FIP1L1: variants seen among roughly 807,000 people sequenced by gnomAD.
FIP1L1 encodes factor interacting with PAPOLA and CPSF1, also known as pre-mRNA 3'-end-processing factor FIP1.
FIP1L1 carries 21 observed loss-of-function variants against 84.6 expected under a neutral mutation model. The ratio of observed to expected loss-of-function variants is 0.25; its 90% CI spans 0.18 to 0.36. FIP1L1 has a LOEUF of 0.36. Among genes scored for constraint, FIP1L1 ranks in the 10% least tolerant of loss-of-function variants. The pLI, the probability that FIP1L1 is intolerant of heterozygous loss-of-function variation, is 1.00. For synonymous variants in FIP1L1, 263 were observed against 242.3 expected (o/e 1.09, Z -0.80); for missense variants, 526 against 751.1 (o/e 0.70, Z 3.50).
intron 13 of FIP1L1, among the ~76,000 whole-genome samples, chr4:53,431,587 A>G (rs965540574): frequency 1.4e-5 from 2 of 144,204 alleles, no homozygotes; most frequent in Non-Finnish European, 3.0e-5. Flanking sequence ...TTTTATTCTC[A>G]TATTTTAGGA....
chr4:53,408,321 C>G (rs982702118), intron 10 of FIP1L1, among the ~76,000 whole-genome samples: 1 of 152,178 alleles, frequency 6.6e-6, no homozygotes, highest in Non-Finnish European at 1.5e-5. Flanking sequence ...TGAATATTGG[C>G]CCCCACTCTC....
chr4:53,434,030 A>T (rs1394006696), intron 13 of FIP1L1, among the ~76,000 whole-genome samples: 1 of 152,062 alleles, frequency 6.6e-6, no homozygotes. Flanking sequence ...TTCTCATTAG[A>T]TTATTTTTCT....
chr4:53,457,426 A>G (rs779151572), intron 16 of FIP1L1, among the ~76,000 whole-genome samples: 14 of 152,168 alleles, frequency 9.2e-5, no homozygotes, highest in Non-Finnish European at 1.5e-4. Flanking sequence ...GCAAATGTGT[A>G]TATTAATACA....
At chr4:53,430,617 A>T (rs1486612106) in intron 13 of FIP1L1, among the ~76,000 whole-genome samples, 3 of 152,110 alleles carry the variant, frequency 2.0e-5, no homozygotes, top group Non-Finnish European at 4.4e-5. Flanking sequence ...CATTACAGGC[A>T]TGAACCACTA....
rs191358616 is a variant in FIP1L1 at position 53,411,762 on chromosome 4, G to A, written c.816-2853G>A. On this transcript the variant is annotated intron_variant, in intron 10 of 17. Transcript: ENST00000337488. Reference sequence around the variant, plus strand: ...CGTACTTTATCAATAGAAATGCTGGGTTTCCAACGTTCTGTAGTACCCATC... The same window carrying A: ...CGTACTTTATCAATAGAAATGCTGGATTTCCAACGTTCTGTAGTACCCATC... 5.3e-5 allele frequency among the ~76,000 whole-genome samples: 8 copies of A among 152,148 alleles called. No homozygotes were observed. The East Asian group carries it at 1.5e-3, about 29-fold the overall frequency.
chr4:53,443,611 T>G (rs1772937647), intron 14 of FIP1L1, among the ~76,000 whole-genome samples: 1 of 152,118 alleles, frequency 6.6e-6, no homozygotes, highest in Non-Finnish European at 1.5e-5. Flanking sequence ...AAGGATTTAG[T>G]TTTATTGAGT....
At chr4:53,417,792 CTCTCTCTCTCTCTCTCTCT>C (rs1560537421) in intron 11 of FIP1L1, among the ~76,000 whole-genome samples, 1 of 114,684 alleles carries the variant, frequency 8.7e-6, no homozygotes, top group Non-Finnish European at 2.0e-5. Flanking sequence ...CTCTCTCTCT[CTCTCTCTCTCTCTCTCTCT>C]CTCTCTCTCA....
chr4:53,446,147 G>A (rs1055907167), intron 15 of FIP1L1, among the ~76,000 whole-genome samples: 37 of 151,782 alleles, frequency 2.4e-4, no homozygotes, highest in African/African-American at 8.5e-4. Flanking sequence ...ACAAAAGATG[G>A]TATTTATGTT....
chr4:53,428,691 G>A (rs1424441677), intron 13 of FIP1L1, among the ~76,000 whole-genome samples: 1 of 152,126 alleles, frequency 6.6e-6, no homozygotes, highest in East Asian at 1.9e-4. Flanking sequence ...CATATTTTTA[G>A]CTACTTTTGA....
Position 53,459,426 on chromosome 4 carries a change from A to G in FIP1L1, c.1762A>G (p.Thr588Ala). Residue 588 changes from threonine (T) to alanine (A), a missense_variant, in exon 18 of 18, where the codon ACC (threonine) becomes GCC (alanine). By Grantham distance (58) the Thr-to-Ala change is moderately conservative. Around this residue, in one of 6 missense-constraint regions of FIP1L1, gnomAD observed 89 missense variants for 169.0 expected, o/e 0.53. Coordinates refer to ENST00000337488, the MANE Select transcript of FIP1L1 (RefSeq NM_030917.4). ...TGAGCCTGCCCCTGAACAGGAGAGC[A>G]CCGAAGCTACACCTGCAGAATAGGC... is the stretch of plus-strand genomic sequence containing the variant. ...GSEPAPEQES[T>A]EATPAE The G allele has an allele frequency of 3.1e-6, 5 of 1,613,320 alleles. No individual in the cohort carries two copies. The highest frequency in any genetic ancestry group is 4.2e-6 in the Non-Finnish European group (5 of 1,179,580).
At chr4:53,445,810 G>A (rs1178988150) in intron 15 of FIP1L1, among the ~76,000 whole-genome samples, 1 of 152,112 alleles carries the variant, frequency 6.6e-6, no homozygotes, top group Non-Finnish European at 1.5e-5. Flanking sequence ...AAATTAGGGA[G>A]GGCGGGAAGC....
chr4:53,383,997 G>C (rs1322583692), intron 5 of FIP1L1, 121 bp downstream of exon 5: 1 of 956,284 alleles, frequency 1.0e-6, no homozygotes, highest in Non-Finnish European at 1.5e-6. Context: ...TAACATAAAA[G>C]AACTTGTTAA....
intron 5 of FIP1L1, among the ~76,000 whole-genome samples, chr4:53,386,675 C>T (rs534036650): frequency 2.2e-4 from 34 of 152,168 alleles, no homozygotes; most frequent in Admixed American, 1.6e-3. Context: ...ATATTAGATG[C>T]GTGCCTTGGA....
rs558195073 is a variant in FIP1L1 at position 53,396,668 on chromosome 4, C to T, written c.706-3062C>T. Among the ~76,000 whole-genome samples the T allele has an allele frequency of 1.4e-4, 22 of 152,020 alleles. No homozygotes were observed. The South Asian group carries it at 4.1e-3, about 29-fold the overall frequency. ...ATCCACCCACCTCGGCCTCCCAAAG[C>T]GCTGGGATTACAGGCTTGAGCCACC... is the stretch of plus-strand genomic sequence containing the variant. On this transcript the variant is annotated intron_variant, in intron 9 of 17. Coordinates refer to ENST00000337488, the MANE Select transcript of FIP1L1 (RefSeq NM_030917.4).
At chr4:53,407,819 C>T (rs1220346770) in intron 10 of FIP1L1, among the ~76,000 whole-genome samples, 2 of 151,980 alleles carry the variant, frequency 1.3e-5, no homozygotes, top group South Asian at 2.1e-4. Flanking sequence ...ACTGCAACCC[C>T]TGCCTTTTTT....
At chr4:53,459,220 A>C in intron 17 of FIP1L1, 82 bp from the exon 18 acceptor site, 1 of 960,180 alleles carries the variant, frequency 1.0e-6, no homozygotes, top group Non-Finnish European at 1.5e-6. Flanking sequence ...TTATATTGAG[A>C]ATTTCCTTAG....
intron 7 of FIP1L1, 38 bp downstream of exon 7, chr4:53,390,666 C>CA: frequency 7.1e-7 from 1 of 1,408,764 alleles, no homozygotes; most frequent in Non-Finnish European, 9.8e-7. Flanking sequence ...TCAATATTTT[C>CA]AGTGTGAAGT....
intron 10 of FIP1L1, among the ~76,000 whole-genome samples, chr4:53,410,138 A>C (rs1756394853): frequency 6.6e-6 from 1 of 152,194 alleles, no homozygotes. Flanking sequence ...CCTTGGCTCC[A>C]TCCTTAAAAT....
At chr4:53,429,784 C>T (rs1031372227) in intron 13 of FIP1L1, among the ~76,000 whole-genome samples, 1 of 152,162 alleles carries the variant, frequency 6.6e-6, no homozygotes, top group Non-Finnish European at 1.5e-5. Flanking sequence ...CATCACCTCA[C>T]ATACTTAACA....
Sources: gnomAD v4.1 joint callset for allele counts (sites outside exome capture counted in the v4.1 genomes callset) on GRCh38, gnomAD v4.1.1 for gene constraint, gnomAD v4.1.1 regional missense constraint, MANE v1.5 for transcripts, NCBI Gene and HGNC (gene_info 2026-07-23, HGNC 2026-07-21) for gene names.